The following RAB1A variants were observed in gnomAD, a reference collection of about 807,000 sequenced individuals.
RAB1A encodes ras-related protein Rab-1A.
A neutral mutation model predicts 26.0 loss-of-function variants in RAB1A; 2 were observed. That is an observed-to-expected ratio of 0.08 (90% CI 0.03 to 0.24). RAB1A has a LOEUF of 0.24. Ranked by LOEUF, RAB1A falls within the 10% of genes least tolerant of loss-of-function variation. The pLI, the probability that RAB1A is intolerant of heterozygous loss-of-function variation, is 1.00. For missense variants in RAB1A, 100 were observed against 247.0 expected, an observed-to-expected ratio of 0.40 and a Z score of 3.99; for synonymous variants, 84 against 84.9, an observed-to-expected ratio of 0.99 and a Z score of 0.06.
chr2:65,096,704 T>G (rs2103832950), intron 3 of RAB1A, among the ~76,000 whole-genome samples: 1 of 152,352 alleles, frequency 6.6e-6, no homozygotes, highest in Middle Eastern at 3.4e-3. Flanking sequence ...AGTCCTAATT[T>G]GACACATCAA....
chr2:65,115,964 T>C (rs996494843), intron 1 of RAB1A, among the ~76,000 whole-genome samples: 2 of 152,150 alleles, frequency 1.3e-5, no homozygotes, highest in African/African-American at 4.8e-5. Flanking sequence ...AAAACCAGCC[T>C]GGCCAACAAG....
intron 2 of RAB1A, among the ~76,000 whole-genome samples, chr2:65,103,615 T>C (rs976201709): frequency 6.6e-6 from 1 of 152,066 alleles, no homozygotes; most frequent in African/African-American, 2.4e-5. Context: ...ATATTAGTAT[T>C]ATTACCAAGT....
chr2:65,093,987 T>TG (rs397739626), intron 3 of RAB1A, among the ~76,000 whole-genome samples: 2 of 151,454 alleles, frequency 1.3e-5, no homozygotes, highest in African/African-American at 4.8e-5. Context: ...TTTTTTTTTT[T>TG]GAAACAAGGT....
rs200517712 is a variant in RAB1A at position 65,125,801 on chromosome 2, C to CA, written c.23+4091dup. 6.9e-3 allele frequency among the ~76,000 whole-genome samples: 1,013 copies of CA among 146,294 alleles called. 13 individuals carry two copies. The highest frequency in any genetic ancestry group is 0.024 in the African/African-American group (943 of 39,404). ...AAATCCACATTTTTCTTCAGATCCTCAAAAAAAAGCTTTAACCCTTTCTAT... is the reference window on the plus strand; with the variant it reads ...AAATCCACATTTTTCTTCAGATCCTCAAAAAAAAAGCTTTAACCCTTTCTAT... On this transcript the variant is annotated intron_variant, in intron 1 of 5. Coordinates refer to ENST00000409784, the MANE Select transcript of RAB1A (RefSeq NM_004161.5).
At chr2:65,096,988 A>T (rs1357905615) in intron 3 of RAB1A, among the ~76,000 whole-genome samples, 1 of 152,214 alleles carries the variant, frequency 6.6e-6, no homozygotes, top group African/African-American at 2.4e-5. Context: ...TTTAGAAAGG[A>T]AACTGGGTCT....
At chr2:65,129,770 T>C (rs35925158) in intron 1 of RAB1A, 123 bp downstream of exon 1, 32,825 of 1,465,116 alleles carry the variant, frequency 0.022, 465 homozygotes, top group Non-Finnish European at 0.026. Context: ...CAGCCTCTCC[T>C]GACCCATCAC....
intron 1 of RAB1A, among the ~76,000 whole-genome samples, chr2:65,120,819 A>C (rs1023868740): frequency 2.0e-5 from 3 of 152,206 alleles, no homozygotes; most frequent in African/African-American, 7.2e-5. Context: ...ATTCCACTTA[A>C]GTACTATTAT....
At chr2:65,122,392 CAA>C (rs11413874) in intron 1 of RAB1A, among the ~76,000 whole-genome samples, 1 of 133,888 alleles carries the variant, frequency 7.5e-6, no homozygotes, top group Non-Finnish European at 1.6e-5. Context: ...ACAAAAAATA[CAA>C]AAAAAAAAAA....
At chr2:65,124,590 C>T (rs988518889) in intron 1 of RAB1A, among the ~76,000 whole-genome samples, 55 of 152,184 alleles carry the variant, frequency 3.6e-4, no homozygotes, top group African/African-American at 1.3e-3. Context: ...TGGGACTACA[C>T]GCAGGCACGA....
At chr2:65,095,931 A>G (rs184316854) in intron 3 of RAB1A, among the ~76,000 whole-genome samples, 7 of 152,280 alleles carry the variant, frequency 4.6e-5, no homozygotes, top group Admixed American at 4.6e-4. Flanking sequence ...AGTCAGGCAG[A>G]TCACGAGGTC....
intron 1 of RAB1A, among the ~76,000 whole-genome samples, chr2:65,127,413 A>C (rs1023934123): frequency 7.2e-4 from 110 of 152,320 alleles, no homozygotes; most frequent in African/African-American, 2.5e-3. Flanking sequence ...GGAATTTGCT[A>C]TATCTACTGG....
At chr2:65,111,991 G>C (rs1669709820) in intron 1 of RAB1A, among the ~76,000 whole-genome samples, 1 of 152,016 alleles carries the variant, frequency 6.6e-6, no homozygotes, top group East Asian at 2.0e-4. Flanking sequence ...GCTGAGGCAG[G>C]AGAATCGCTT....
In RAB1A at chr2:65,104,794, G is replaced by T; in HGVS notation, c.36C>A (p.Phe12Leu). 1.2e-6 allele frequency: 2 copies of T among 1,608,966 alleles called. No homozygotes were observed. The highest frequency in any genetic ancestry group is 2.2e-5 in the South Asian group (2 of 90,770). ...SSMNPEYDYL[F>L]KLLLIGDSGV... ...CTGAGTCGCCAATCAGAAGTAACTTGAATAAATAATCACTGCAAAAAGAAA... is the reference window on the plus strand; with the variant it reads ...CTGAGTCGCCAATCAGAAGTAACTTTAATAAATAATCACTGCAAAAAGAAA... The change falls in exon 2 of 6, where the codon TTC (phenylalanine) becomes TTA (leucine). Residue 12 changes from phenylalanine to leucine, a missense_variant. Transcript: ENST00000409784.
At chr2:65,129,307 T>C (rs1670180356) in intron 1 of RAB1A, among the ~76,000 whole-genome samples, 1 of 151,634 alleles carries the variant, frequency 6.6e-6, no homozygotes, top group Non-Finnish European at 1.5e-5. Context: ...AAAAGAGAAC[T>C]AATAAATGTT....
intron 3 of RAB1A, among the ~76,000 whole-genome samples, chr2:65,093,839 G>A (rs896290676): frequency 1.3e-5 from 2 of 152,006 alleles, no homozygotes; most frequent in Non-Finnish European, 2.9e-5. Flanking sequence ...GGCCAGGCTG[G>A]TCACGAACTC....
chr2:65,099,498 T>C (rs1292846257), intron 2 of RAB1A, among the ~76,000 whole-genome samples: 2 of 152,232 alleles, frequency 1.3e-5, no homozygotes, highest in African/African-American at 4.8e-5. Flanking sequence ...TCAGGTCTAA[T>C]GAGAACGGCA....
intron 1 of RAB1A, among the ~76,000 whole-genome samples, chr2:65,109,627 T>C (rs12713530): frequency 0.042 from 6,403 of 151,796 alleles, 211 homozygotes; most frequent in African/African-American, 0.095. Context: ...GGAGAATCAC[T>C]TGGACCCAGG....
At chr2:65,111,124 G>A (rs1455875523) in intron 1 of RAB1A, among the ~76,000 whole-genome samples, 1 of 152,134 alleles carries the variant, frequency 6.6e-6, no homozygotes, top group Non-Finnish European at 1.5e-5. Context: ...CGCTTTGGGA[G>A]GCCAACGCGG....
intron 1 of RAB1A, among the ~76,000 whole-genome samples, chr2:65,108,356 C>CAA (rs777981281): frequency 1.9e-5 from 1 of 51,578 alleles, no homozygotes; most frequent in African/African-American, 7.2e-5. Context: ...AACTCCATCT[C>CAA]AAAAAAAAAA....
Sources: gnomAD v4.1 joint callset for allele counts (sites outside exome capture counted in the v4.1 genomes callset) on GRCh38, gnomAD v4.1.1 for gene constraint, MANE v1.5 for transcripts, NCBI Gene and HGNC (gene_info 2026-07-23, HGNC 2026-07-21) for gene names.